The following PTPRG variants were observed in gnomAD, a reference collection of about 807,000 sequenced individuals.
The protein encoded by PTPRG is receptor-type tyrosine-protein phosphatase gamma.
In PTPRG, 102 loss-of-function variants were observed where a neutral mutation model predicts 165.3. That is an observed-to-expected ratio of 0.62 (90% CI 0.53 to 0.73). The LOEUF (loss-of-function observed/expected upper bound fraction) is 0.73. PTPRG is among the 30% of genes least tolerant of loss of function. The probability of loss-of-function intolerance (pLI) is 0.00; values close to 1 mark genes in which losing one functional copy is unlikely to be tolerated. For synonymous variants in PTPRG, 675 were observed against 669.5 expected, an observed-to-expected ratio of 1.01 and a Z score of -0.13; for missense variants, 1,866 against 1,861.4, an observed-to-expected ratio of 1.00 and a Z score of -0.05.
At chr3:62,038,717 G>A (rs72887860) in intron 4 of PTPRG, among the ~76,000 whole-genome samples, 21,762 of 152,090 alleles carry the variant, frequency 0.14, 1,704 homozygotes, top group South Asian at 0.26. Context: ...CTTAATGACC[G>A]CAGTTGTTAC....
intron 28 of PTPRG, among the ~76,000 whole-genome samples, chr3:62,287,152 C>G (rs151038277): frequency 1.3e-5 from 2 of 152,036 alleles, no homozygotes; most frequent in Non-Finnish European, 2.9e-5. Flanking sequence ...ATATGGCTGG[C>G]CACAGATAGC....
rs187048188 is a variant in PTPRG, at chr3:62,279,947, G to A, written c.3766-1616G>A. ...GTTTGCCATTGGAGCTGATTGATTA[G>A]GATACGTGGTGTACATCATAATCAT... On this transcript the variant is annotated intron_variant, in intron 26 of 29. Transcript: ENST00000474889. Among the ~76,000 whole-genome samples the A allele has an allele frequency of 2.0e-4, 31 of 152,056 alleles. 1 individual carries two copies. The East Asian group carries it at 3.5e-3, about 17-fold the overall frequency.
intron 3 of PTPRG, among the ~76,000 whole-genome samples, chr3:61,992,775 G>A (rs939359681): frequency 3.9e-5 from 6 of 152,014 alleles, no homozygotes; most frequent in African/African-American, 1.5e-4. Context: ...GCCCGTCTCA[G>A]CCTCCCAAAG....
intron 2 of PTPRG, among the ~76,000 whole-genome samples, chr3:61,782,674 A>G (rs2034579237): frequency 6.6e-6 from 1 of 152,228 alleles, no homozygotes; most frequent in Non-Finnish European, 1.5e-5. Flanking sequence ...AAAACTGAAG[A>G]CGAATGTTTA....
At chr3:61,992,769 G>A (rs529170515) in intron 3 of PTPRG, among the ~76,000 whole-genome samples, 2 of 152,026 alleles carry the variant, frequency 1.3e-5, no homozygotes, top group East Asian at 3.9e-4. Context: ...TGATCTGCCC[G>A]TCTCAGCCTC....
chr3:62,289,486 T>C (rs936017669), intron 28 of PTPRG, among the ~76,000 whole-genome samples: 2 of 152,222 alleles, frequency 1.3e-5, no homozygotes, highest in East Asian at 3.9e-4. Context: ...ATTTGAACAC[T>C]GATGCAAAAA....
Position 61,585,203 on chromosome 3 carries a change from C to A in PTPRG, c.85+22831C>A, listed in dbSNP as rs994884898. ...GGCTGAGGCAGGAGGATCACTTGAA[C>A]CTGGGAGGCAGAGGTAGCAGTGAGC... On this transcript the variant is annotated intron_variant, in intron 1 of 29. Coordinates refer to ENST00000474889, the MANE Select transcript of PTPRG (RefSeq NM_002841.4). Among the ~76,000 whole-genome samples, 3 of 150,382 alleles carry A rather than the reference C, an allele frequency of 2.0e-5. No individual in the cohort carries two copies. In the East Asian group the frequency reaches 5.9e-4, roughly 30 times the overall value.
chr3:61,932,549 T>A (rs1010130239), intron 2 of PTPRG, among the ~76,000 whole-genome samples: 1 of 152,234 alleles, frequency 6.6e-6, no homozygotes, highest in African/African-American at 2.4e-5. Flanking sequence ...GTTCTTACTG[T>A]GTGCAAGGCG....
intron 2 of PTPRG, among the ~76,000 whole-genome samples, chr3:61,867,354 A>G (rs968166646): frequency 5.9e-5 from 9 of 152,198 alleles, no homozygotes; most frequent in Admixed American, 2.0e-4. Flanking sequence ...AGCCAAGGGA[A>G]GGAGGTACCC....
rs76264298 is a variant in PTPRG at position 62,290,451 on chromosome 3, A to G, written c.4056-1970A>G. On this transcript the variant is annotated intron_variant, in intron 28 of 29. Transcript: ENST00000474889. ...TGTACCAGTAAAAAATGAAAATTAT[A>G]TGTTTGAATCACTAAAAACAATACG... 5.1e-3 allele frequency among the ~76,000 whole-genome samples: 773 copies of G among 152,300 alleles called. 8 individuals carry two copies. Among genetic ancestry groups the G allele is most frequent in the African/African-American group, 0.018 (739 of 41,562 alleles).
At chr3:61,862,840 T>C (rs561161601) in intron 2 of PTPRG, among the ~76,000 whole-genome samples, 4 of 152,220 alleles carry the variant, frequency 2.6e-5, no homozygotes, top group Non-Finnish European at 5.9e-5. Context: ...CTACTTAGTA[T>C]ATCTGCAAAG....
intron 7 of PTPRG, among the ~76,000 whole-genome samples, chr3:62,161,871 G>A (rs1017661318): frequency 3.3e-5 from 5 of 152,160 alleles, no homozygotes; most frequent in Non-Finnish European, 5.9e-5. Context: ...GACCTGCCCT[G>A]TCATCCCTCA....
At chr3:61,988,361 A>C (rs1342721660) in intron 2 of PTPRG, among the ~76,000 whole-genome samples, 2 of 152,088 alleles carry the variant, frequency 1.3e-5, no homozygotes, top group African/African-American at 2.4e-5. Flanking sequence ...ATCTACTGTG[A>C]GCTGTTACCA....
At chr3:62,116,948 A>G (rs1702889437) in intron 5 of PTPRG, among the ~76,000 whole-genome samples, 1 of 152,322 alleles carries the variant, frequency 6.6e-6, no homozygotes, top group East Asian at 1.9e-4. Context: ...TGCACAGGCA[A>G]TAATTTTAAA....
At chr3:62,265,926 C>CACACACACACACACACACACACACAA (rs879614619) in intron 17 of PTPRG, among the ~76,000 whole-genome samples, 1 of 150,140 alleles carries the variant, frequency 6.7e-6, no homozygotes, top group African/African-American at 2.5e-5. Context: ...CACACACACA[C>CACACACACACACACACACACACACAA]CATTCTCTCC....
chr3:61,746,346 A>T (rs1005470355), intron 1 of PTPRG, among the ~76,000 whole-genome samples: 4 of 150,878 alleles, frequency 2.7e-5, no homozygotes, highest in African/African-American at 9.8e-5. Flanking sequence ...AGCTGGGGCT[A>T]CAGGTGCCGC....
chr3:62,116,534 G>A (rs1205903402), intron 5 of PTPRG, among the ~76,000 whole-genome samples: 2 of 152,170 alleles, frequency 1.3e-5, no homozygotes, highest in Non-Finnish European at 2.9e-5. Context: ...GTGAATCTCA[G>A]ATATAACGAC....
At chr3:61,820,603 G>GTTTTTTTTTTTTTTTTTTTTTTTTT (rs11329820) in intron 2 of PTPRG, among the ~76,000 whole-genome samples, 12 of 65,734 alleles carry the variant, frequency 1.8e-4, no homozygotes, top group South Asian at 7.1e-4. Flanking sequence ...CTGTGTCTCT[G>GTTTTTTTTTTTTTTTTTTTTTTTTT]TTTTTTTTTT....
intron 1 of PTPRG, among the ~76,000 whole-genome samples, chr3:61,672,204 C>T (rs1321046302): frequency 1.5e-5 from 2 of 134,140 alleles, no homozygotes; most frequent in African/African-American, 2.8e-5. Flanking sequence ...GATGGGATGG[C>T]GGCCGGGCAG....
Sources: gnomAD v4.1 joint callset for allele counts (sites outside exome capture counted in the v4.1 genomes callset) on GRCh38, gnomAD v4.1.1 for gene constraint, MANE v1.5 for transcripts, NCBI Gene and HGNC (gene_info 2026-07-23, HGNC 2026-07-21) for gene names.